PWWP2A: variants seen among roughly 807,000 people sequenced by gnomAD.
PWWP2A encodes PWWP domain-containing protein 2A.
In PWWP2A, 18 loss-of-function variants were observed where a neutral mutation model predicts 48.5. That is an observed-to-expected ratio of 0.37 (90% CI 0.26 to 0.55). PWWP2A has a LOEUF of 0.55. Among genes scored for constraint, PWWP2A ranks in the 20% least tolerant of loss-of-function variants. The pLI is 0.81. For synonymous variants in PWWP2A, 396 were observed against 387.7 expected, an observed-to-expected ratio of 1.02 and a Z score of -0.25; for missense variants, 867 against 976.4, an observed-to-expected ratio of 0.89 and a Z score of 1.49.
chr5:160,102,914 A>G (rs1402870323), intron 1 of PWWP2A, among the ~76,000 whole-genome samples: 1 of 152,244 alleles, frequency 6.6e-6, no homozygotes, highest in Non-Finnish European at 1.5e-5. Flanking sequence ...AGAGAATAAA[A>G]AACACATTGA....
chr5:160,097,253 C>T (rs976647515), intron 1 of PWWP2A, among the ~76,000 whole-genome samples: 2 of 136,828 alleles, frequency 1.5e-5, no homozygotes, highest in African/African-American at 5.5e-5. Flanking sequence ...GGGAGGATTG[C>T]TTGAGTCTGG....
the PWWP2A span, chr5:160,051,243 A>G: frequency 1.5e-6 from 2 of 1,357,970 alleles, no homozygotes; most frequent in Non-Finnish European, 2.1e-6. Context: ...GTGGGGACAT[A>G]GCGAATACTA....
In PWWP2A at chr5:160,092,102, C is replaced by T. The variant is rs887510252; in HGVS notation, c.*280G>A. 15 of 1,117,154 alleles carry T rather than the reference C, an allele frequency of 1.3e-5. No individual in the cohort carries two copies. The highest frequency in any genetic ancestry group is 1.6e-5 in the Non-Finnish European group (15 of 913,882). The allele number at this position is 1,117,154 out of a possible 1,614,324, so 69.2% of individuals were successfully genotyped here. On this transcript the variant is annotated 3_prime_UTR_variant, in exon 2 of 2. Coordinates refer to ENST00000307063, the MANE Select transcript of PWWP2A (RefSeq NM_001130864.2). ...GCAATTAACAGTCCCTACAAAAATTCAATTTCAGTTGAGGCTATGGCTCCT... is the reference window on the plus strand; with the variant it reads ...GCAATTAACAGTCCCTACAAAAATTTAATTTCAGTTGAGGCTATGGCTCCT...
chr5:160,062,956 G>A (rs1364996178), intron 5 of PWWP2A, among the ~76,000 whole-genome samples: 4 of 152,148 alleles, frequency 2.6e-5, no homozygotes, highest in African/African-American at 4.8e-5. Flanking sequence ...CCATGTGCCC[G>A]AGGCTGTGCC....
In PWWP2A at chr5:160,093,364, C is replaced by T. The variant is rs774128941; in HGVS notation, c.1286G>A (p.Arg429Gln). Reference protein sequence around the residue: ...QSKNMDHAKAREVLKIAKEKA... With the variant: ...QSKNMDHAKAQEVLKIAKEKA... ...TTCTTTGGCAATTTTTAACACTTCC[C>T]GAGCTTTCGCATGATCCATGTTCTT... Residue 429 changes from arginine to glutamine, a missense_variant, in exon 2 of 2, where the codon CGG (arginine) becomes CAG (glutamine). Physicochemically the swap from Arg to Gln is conservative, Grantham distance 43 (BLOSUM62 1). Coordinates refer to ENST00000307063, the MANE Select transcript of PWWP2A (RefSeq NM_001130864.2). This position sits in a 1 kb window ranked among gnomAD's most constrained non-coding sequence, Gnocchi z 5.8. 9 of 1,613,706 alleles carry T rather than the reference C, an allele frequency of 5.6e-6. No individual in the cohort carries two copies. The East Asian group carries it at 1.3e-4, about 24-fold the overall frequency.
At position 160,093,202 on chromosome 5, in the gene PWWP2A, T is replaced by C. The variant is rs1755261767; in HGVS notation, c.1448A>G (p.Asn483Ser). The stretch of plus-strand genomic sequence containing the variant: ...CTTCAGAGAAGAGTCATTTTCTTCA[T>C]TCCTGTACCTCTGTGGTTTTAAACG... ...RVRLKPQRYR[N>S]EENDSSLKTG... Residue 483 changes from asparagine (N) to serine (S), a missense_variant, in exon 2 of 2, where the codon AAT (asparagine) becomes AGT (serine). By Grantham distance (46) the Asn-to-Ser change is conservative. Around this residue, in one of 4 missense-constraint regions of PWWP2A, gnomAD observed 382 missense variants for 407.2 expected, o/e 0.94. Coordinates refer to ENST00000307063, the MANE Select transcript of PWWP2A (RefSeq NM_001130864.2). This position sits in a 1 kb window ranked among gnomAD's most constrained non-coding sequence, Gnocchi z 5.8. The C allele has an allele frequency of 2.5e-6, 4 of 1,614,014 alleles. No individual in the cohort carries two copies. The highest frequency in any genetic ancestry group is 3.4e-6 in the Non-Finnish European group (4 of 1,179,896).
chr5:160,055,557 C>T, the PWWP2A span, among the ~76,000 whole-genome samples: 1 of 152,238 alleles, frequency 6.6e-6, no homozygotes, highest in Non-Finnish European at 1.5e-5. Flanking sequence ...GAGAACCTGC[C>T]AAAACCATGC....
At chr5:160,089,115 A>G (rs911255124), downstream of PWWP2A, among the ~76,000 whole-genome samples, 3 of 152,160 alleles carry the variant, frequency 2.0e-5, no homozygotes, top group Non-Finnish European at 2.9e-5. Context: ...TTTCCCCATC[A>G]AAACCATCTA....
chr5:160,101,770 G>C (rs573654005), intron 1 of PWWP2A, among the ~76,000 whole-genome samples: 1 of 149,854 alleles, frequency 6.7e-6, no homozygotes, highest in African/African-American at 2.5e-5. Context: ...GCCCGAGTTC[G>C]AGGCCATCCT....
In PWWP2A at chr5:160,097,115, T is replaced by C. The variant is rs536418433; in HGVS notation, c.585-3050A>G. On this transcript the variant is annotated intron_variant, in intron 1 of 1. Coordinates refer to ENST00000307063, the MANE Select transcript of PWWP2A (RefSeq NM_001130864.2). Reference sequence around the variant, plus strand: ...ACTTTGGGAGGGTGAGGTGGGCAAATTGCTTGAGCCCAGGAGTTTGAGACC... The same window carrying C: ...ACTTTGGGAGGGTGAGGTGGGCAAACTGCTTGAGCCCAGGAGTTTGAGACC... 2.3e-3 allele frequency among the ~76,000 whole-genome samples: 347 copies of C among 151,874 alleles called. 2 individuals are homozygous for C. Among genetic ancestry groups the C allele is most frequent in the African/African-American group, 7.8e-3 (323 of 41,436 alleles).
In PWWP2A at chr5:160,097,709, G is replaced by GC. The variant is rs201402372; in HGVS notation, c.585-3645_585-3644insG. Among the ~76,000 whole-genome samples, 250 of 147,094 alleles carry GC rather than the reference G, an allele frequency of 1.7e-3. 1 individual carries two copies. The highest frequency in any genetic ancestry group is 5.9e-3 in the African/African-American group (234 of 39,958). On this transcript the variant is annotated intron_variant, in intron 1 of 1. Transcript: ENST00000307063. ...AATTTACTAGAGGTTTTTTTTTTGGGGGGGGGGGCGGTTGTTTTGTTTTTT... is the reference window on the plus strand; with the variant it reads ...AATTTACTAGAGGTTTTTTTTTTGGGCGGGGGGGGCGGTTGTTTTGTTTTTT...
chr5:160,107,544 T>C (rs1241054037), intron 1 of PWWP2A, among the ~76,000 whole-genome samples: 2 of 152,188 alleles, frequency 1.3e-5, no homozygotes, highest in African/African-American at 2.4e-5. Context: ...TTTTTATCAA[T>C]ATGAAATTAA....
the PWWP2A span, among the ~76,000 whole-genome samples, chr5:160,053,472 G>A: frequency 2.6e-5 from 4 of 152,118 alleles, no homozygotes; most frequent in Non-Finnish European, 4.4e-5. Context: ...GCTGCTGTGG[G>A]AGGATCACTT....
downstream of PWWP2A, among the ~76,000 whole-genome samples, chr5:160,058,312 A>T (rs1489350707): frequency 6.6e-6 from 1 of 152,090 alleles, no homozygotes; most frequent in Non-Finnish European, 1.5e-5. Context: ...TCACCCCCTC[A>T]AAGTCATCCA....
At chr5:160,111,919 C>T (rs1757612972) in intron 1 of PWWP2A, among the ~76,000 whole-genome samples, 1 of 151,730 alleles carries the variant, frequency 6.6e-6, no homozygotes, top group Non-Finnish European at 1.5e-5. Flanking sequence ...CTTTGAGAGG[C>T]CCAGGCGGAT....
At chr5:160,109,093 C>T (rs937353518) in intron 1 of PWWP2A, among the ~76,000 whole-genome samples, 1 of 152,134 alleles carries the variant, frequency 6.6e-6, no homozygotes, top group African/African-American at 2.4e-5. Flanking sequence ...AAGCAATTCT[C>T]GTGCCTCAGC....
intron 1 of PWWP2A, among the ~76,000 whole-genome samples, chr5:160,100,909 T>G (rs1756207507): frequency 6.6e-6 from 1 of 152,100 alleles, no homozygotes; most frequent in Admixed American, 6.5e-5. Flanking sequence ...GAAAGCAGGA[T>G]CTCAAAGAGA....
chr5:160,080,687 T>C, exon 3 of PWWP2A: 2 of 1,568,834 alleles, frequency 1.3e-6, no homozygotes, highest in Non-Finnish European at 1.7e-6. Context: ...GCTCCCAGTC[T>C]GAATCCACAG....
chr5:160,055,985 T>C, the PWWP2A span, among the ~76,000 whole-genome samples: 9 of 152,210 alleles, frequency 5.9e-5, no homozygotes, highest in Non-Finnish European at 1.2e-4. Flanking sequence ...TTACTGGGTG[T>C]GCAGGGGATA....
Sources: allele counts gnomAD v4.1 joint callset (sites outside exome capture counted in the v4.1 genomes callset), GRCh38; gene constraint gnomAD v4.1.1; regional missense constraint gnomAD v4.1.1; non-coding constraint Gnocchi (gnomAD v3.1); transcripts MANE v1.5; gene names NCBI Gene and HGNC (gene_info 2026-07-23, HGNC 2026-07-21).